The following LIN9 variants were observed in gnomAD, a reference collection of about 807,000 sequenced individuals.
The protein encoded by LIN9 is lin-9 DREAM MuvB core complex component.
In LIN9, 18 loss-of-function variants were observed where a neutral mutation model predicts 78.0. That is an observed-to-expected ratio of 0.23 (90% confidence interval 0.16 to 0.34). The LOEUF (loss-of-function observed/expected upper bound fraction) is 0.34. LIN9 is among the 10% of genes least tolerant of loss of function. The pLI is 1.00. For missense variants in LIN9, 451 were observed against 644.1 expected (o/e 0.70, Z 3.25); for synonymous variants, 192 against 215.2 (o/e 0.89, Z 0.94).
chr1:226,258,894 C>CAAAAAAAAAAAAAAAAAAA, intron 10 of LIN9, among the ~76,000 whole-genome samples: 1 of 54,776 alleles, frequency 1.8e-5, no homozygotes, highest in Non-Finnish European at 3.1e-5. Flanking sequence ...TCTGTCTCAA[C>CAAAAAAAAAAAAAAAAAAA]AAAAAAAAAA....
intron 10 of LIN9, among the ~76,000 whole-genome samples, chr1:226,258,706 C>A (rs771699314): frequency 6.6e-6 from 1 of 150,730 alleles, no homozygotes; most frequent in African/African-American, 2.4e-5. Context: ...CTGGCTAACA[C>A]GGTGAAACCC....
chr1:226,286,245 T>G, intron 6 of LIN9, 88 bp downstream of exon 6: 1 of 1,428,108 alleles, frequency 7.0e-7, no homozygotes, highest in Non-Finnish European at 9.5e-7. Flanking sequence ...ATACCCCATC[T>G]TAGCCTTCCA....
chr1:226,235,172 A>T (rs905601391), intron 12 of LIN9, among the ~76,000 whole-genome samples: 1 of 151,814 alleles, frequency 6.6e-6, no homozygotes, highest in African/African-American at 2.4e-5. Context: ...AAATATAAAA[A>T]TTAGCTGGGC....
At position 226,266,292 on chromosome 1, in the gene LIN9, C is replaced by A; in HGVS notation, c.857G>T (p.Gly286Val). 4 of 1,602,164 alleles carry A rather than the reference C, an allele frequency of 2.5e-6. No homozygotes were observed. The highest frequency in any genetic ancestry group is 3.4e-6 in the Non-Finnish European group (4 of 1,172,518). ...PHETMPIAAF[G>V]QKQRPSRFFM... ...AAATCGAGAAGGCCGCTGTTTTTGT[C>A]CAAAGGCAGCAATTGGCATTGTCTC... Residue 286 changes from glycine to valine, a missense_variant, in exon 9 of 15, where the codon GGA (glycine) becomes GTA (valine). Gly to Val is a moderately radical substitution (Grantham distance 109, BLOSUM62 -3). Transcript: ENST00000681046.
At chr1:226,295,744 G>C (rs1020361234) in intron 4 of LIN9, 98 bp downstream of exon 4, 1 of 714,014 alleles carries the variant, frequency 1.4e-6, no homozygotes, top group Non-Finnish European at 2.3e-6. Context: ...TTAAAGAAAA[G>C]AACTTGTTAC....
intron 11 of LIN9, among the ~76,000 whole-genome samples, chr1:226,239,774 C>G (rs946732982): frequency 6.6e-6 from 1 of 152,176 alleles, no homozygotes; most frequent in African/African-American, 2.4e-5. Context: ...CATATATGCT[C>G]CTTACCAACA....
At position 226,244,672 on chromosome 1, in the gene LIN9, C is replaced by T. The variant is rs1409977590; in HGVS notation, c.1120-5576G>A. ...ATGGAAAATATCAGATTTAGCAGTT[C>T]ATGATCAAGGGTATGGATTTATTTG... On this transcript the variant is annotated intron_variant, in intron 11 of 14. Coordinates refer to ENST00000681046, the MANE Select transcript of LIN9 (RefSeq NM_001366245.2). 2.6e-5 allele frequency among the ~76,000 whole-genome samples: 4 copies of T among 152,168 alleles called. No homozygotes were observed. In the South Asian group the frequency reaches 6.2e-4, roughly 24 times the overall value.
chr1:226,286,013 A>C (rs948086835), intron 6 of LIN9, among the ~76,000 whole-genome samples: 1 of 152,212 alleles, frequency 6.6e-6, no homozygotes, highest in African/African-American at 2.4e-5. Context: ...GATATATTTA[A>C]CATATAATCA....
chr1:226,270,818 CTG>C (rs1660222818), intron 7 of LIN9, among the ~76,000 whole-genome samples: 1 of 95,470 alleles, frequency 1.0e-5, no homozygotes, highest in Non-Finnish European at 1.8e-5. Flanking sequence ...GAGCAAGACT[CTG>C]TCTCAAAAAA....
chr1:226,287,025 A>C (rs1351105775), intron 5 of LIN9, among the ~76,000 whole-genome samples: 1 of 152,210 alleles, frequency 6.6e-6, no homozygotes, highest in Non-Finnish European at 1.5e-5. Flanking sequence ...AAATATGAAC[A>C]TTCATGAGAT....
chr1:226,287,624 T>C (rs1456509951), intron 5 of LIN9, 40 bp downstream of exon 5: 1 of 1,399,466 alleles, frequency 7.1e-7, no homozygotes, highest in South Asian at 1.3e-5. Flanking sequence ...CTTAAATTTC[T>C]GATTCAAGTA....
At chr1:226,293,448 A>G (rs1177068929) in intron 4 of LIN9, among the ~76,000 whole-genome samples, 1 of 152,250 alleles carries the variant, frequency 6.6e-6, no homozygotes, top group African/African-American at 2.4e-5. Context: ...TAGCTATTCC[A>G]AAGTCTAGCT....
intron 12 of LIN9, among the ~76,000 whole-genome samples, chr1:226,234,403 A>G (rs574286471): frequency 5.0e-4 from 76 of 152,282 alleles, no homozygotes; most frequent in African/African-American, 1.7e-3. Flanking sequence ...ATCAGTATGA[A>G]CCCATACTGA....
intron 12 of LIN9, among the ~76,000 whole-genome samples, chr1:226,238,750 C>G (rs1003156997): frequency 6.6e-6 from 1 of 151,964 alleles, no homozygotes; most frequent in Admixed American, 6.6e-5. Flanking sequence ...TTTTGGAGGG[C>G]CTTATTTGTA....
chr1:226,272,897 G>C (rs77159985), intron 7 of LIN9, among the ~76,000 whole-genome samples: 1 of 152,140 alleles, frequency 6.6e-6, no homozygotes, highest in Non-Finnish European at 1.5e-5. Context: ...AATCGCGATG[G>C]GTCCCTGGTC....
chr1:226,236,989 G>A (rs1156784825), intron 12 of LIN9, among the ~76,000 whole-genome samples: 1 of 152,152 alleles, frequency 6.6e-6, no homozygotes, highest in Non-Finnish European at 1.5e-5. Context: ...ACATGTTGAT[G>A]TATCTTTTTG....
chr1:226,253,161 G>A (rs182475214), intron 10 of LIN9, among the ~76,000 whole-genome samples: 201 of 151,446 alleles, frequency 1.3e-3, no homozygotes, highest in African/African-American at 4.6e-3. Context: ...TACTCAGGAG[G>A]CTGAGGCGGG....
At chr1:226,305,988 A>T (rs1662891736) in intron 1 of LIN9, among the ~76,000 whole-genome samples, 1 of 152,158 alleles carries the variant, frequency 6.6e-6, no homozygotes, top group Non-Finnish European at 1.5e-5. Context: ...TTAGAAGGTA[A>T]AATTTACAGA....
intron 7 of LIN9, 152 bp downstream of exon 7, chr1:226,277,623 T>C (rs1329032284): frequency 3.0e-6 from 2 of 660,728 alleles, no homozygotes; most frequent in African/African-American, 3.6e-5. Flanking sequence ...CAGAGAGAGT[T>C]GAGGGATAGG....
Sources: allele counts gnomAD v4.1 joint callset (sites outside exome capture counted in the v4.1 genomes callset), GRCh38; gene constraint gnomAD v4.1.1; transcripts MANE v1.5; gene names NCBI Gene and HGNC (gene_info 2026-07-23, HGNC 2026-07-21).